Variants in DHX35 observed in about 807,000 individuals in gnomAD.
DHX35 encodes DEAH-box helicase 35, also known as probable ATP-dependent RNA helicase DHX35.
DHX35 carries 84 observed loss-of-function variants against 99.6 expected under a neutral mutation model. That is an observed-to-expected ratio of 0.84 (90% CI 0.71 to 1.01). The LOEUF (loss-of-function observed/expected upper bound fraction) is 1.01, where lower values mean the gene tolerates loss of function less well. Among genes scored for constraint, DHX35 ranks in the 50% least tolerant of loss-of-function variants. The pLI is 0.00. For missense variants in DHX35, 852 were observed against 888.5 expected, an observed-to-expected ratio of 0.96 and a Z score of 0.52; for synonymous variants, 331 against 316.2, an observed-to-expected ratio of 1.05 and a Z score of -0.50.
In DHX35 at chr20:39,033,489, C is replaced by T. The variant is rs192809917; in HGVS notation, c.1956-717C>T. Reference sequence around the variant, plus strand: ...CGGCCTCTTTGCAGGGGGGGCCCTTCTTTTTCCTTTGATCAGCTGAGATTC... The same window carrying T: ...CGGCCTCTTTGCAGGGGGGGCCCTTTTTTTTCCTTTGATCAGCTGAGATTC... On this transcript the variant is annotated intron_variant, in intron 20 of 21. Coordinates refer to ENST00000252011, the MANE Select transcript of DHX35 (RefSeq NM_021931.4). Among the ~76,000 whole-genome samples the T allele has an allele frequency of 2.5e-3, 383 of 152,154 alleles. 1 individual carries two copies. Among genetic ancestry groups the T allele is most frequent in the African/African-American group, 8.8e-3 (367 of 41,522 alleles).
At chr20:38,988,754 A>G (rs754520246) in intron 4 of DHX35, 59 bp from the exon 5 acceptor site, 49 of 1,608,516 alleles carry the variant, frequency 3.0e-5, no homozygotes, top group Middle Eastern at 1.8e-4. Flanking sequence ...TTTCCATAGT[A>G]TGTGCGCTGT....
At chr20:39,023,944 G>A (rs2086911564) in intron 17 of DHX35, among the ~76,000 whole-genome samples, 177 bp downstream of exon 17, 2 of 152,216 alleles carry the variant, frequency 1.3e-5, no homozygotes, top group Non-Finnish European at 1.5e-5. Context: ...GCCTGAGTTT[G>A]TGGTGAGGTA....
In DHX35 at chr20:39,021,930, C is replaced by T; in HGVS notation, c.1588C>T (p.His530Tyr). 6.2e-7 allele frequency: 1 copy of T among 1,614,136 alleles called. No individual in the cohort carries two copies. The highest frequency in any genetic ancestry group is 1.7e-5 in the Admixed American group (1 of 60,026). The change falls in exon 16 of 22, where the codon CAC becomes TAC. Residue 530 changes from histidine to tyrosine, a missense_variant. Physicochemically the swap from His to Tyr is moderately conservative, Grantham distance 83. Transcript: ENST00000252011. ...IFVVPPNQKSHAIRVHRKFAV... is the reference protein window; with the variant it reads ...IFVVPPNQKSYAIRVHRKFAV... Reference sequence around the variant, plus strand: ...TGTGGTCCCCCCAAACCAGAAGTCTCACGCAGTAAGTCAGCTCTGTCCCCA... The same window carrying T: ...TGTGGTCCCCCCAAACCAGAAGTCTTACGCAGTAAGTCAGCTCTGTCCCCA...
At chr20:39,003,207 C>T (rs1330015898) in intron 10 of DHX35, among the ~76,000 whole-genome samples, 1 of 152,166 alleles carries the variant, frequency 6.6e-6, no homozygotes, top group Admixed American at 6.5e-5. Flanking sequence ...CTGTGTACCT[C>T]TTTTTCCAGT....
intron 13 of DHX35, 85 bp downstream of exon 13, chr20:39,010,489 C>T: frequency 1.3e-6 from 2 of 1,545,504 alleles, no homozygotes; most frequent in Non-Finnish European, 1.8e-6. Context: ...GGCATGCCAT[C>T]TTTCCTTTTT....
intron 8 of DHX35, among the ~76,000 whole-genome samples, chr20:38,997,449 A>T (rs1432776513): frequency 3.3e-5 from 5 of 152,352 alleles, no homozygotes; most frequent in African/African-American, 1.2e-4. Context: ...GATGAAAAAA[A>T]TAGCTTCTTT....
chr20:38,965,170 G>A (rs907128611), intron 1 of DHX35, among the ~76,000 whole-genome samples: 5 of 152,212 alleles, frequency 3.3e-5, no homozygotes, highest in African/African-American at 1.2e-4. Flanking sequence ...GGTAAATTGT[G>A]TTGTCATTAG....
rs143900166 is a variant in DHX35 at position 38,997,046 on chromosome 20, TTTTATTTATTTA to T, written c.642+2194_642+2205del. On this transcript the variant is annotated intron_variant, in intron 8 of 21. Transcript: ENST00000252011. ...ATGTCCAAGTCTTTTCTTAGATTCATTTTATTTATTTATTTATTTATTTATTTATTTATTTAT... is the reference window on the plus strand; with the variant it reads ...ATGTCCAAGTCTTTTCTTAGATTCATTTTATTTATTTATTTATTTATTTAT... Among the ~76,000 whole-genome samples, 125 of 149,012 alleles carry T rather than the reference TTTTATTTATTTA, an allele frequency of 8.4e-4. 1 individual carries two copies. Among genetic ancestry groups the T allele is most frequent in the African/African-American group, 2.2e-3 (90 of 40,220 alleles).
intron 3 of DHX35, 108 bp from the exon 4 acceptor site, chr20:38,983,591 G>C: frequency 1.2e-6 from 1 of 817,136 alleles, no homozygotes; most frequent in East Asian, 2.7e-5. Flanking sequence ...GACAAGAACT[G>C]TACTTTTTCC....
intron 4 of DHX35, among the ~76,000 whole-genome samples, chr20:38,985,575 G>A (rs1890000721): frequency 6.6e-6 from 1 of 151,582 alleles, no homozygotes. Context: ...TAGAAGTTAT[G>A]TGTGTGTGTG....
At position 39,038,601 on chromosome 20, in the gene DHX35, C is replaced by T; in HGVS notation, c.*58C>T. On this transcript the variant is annotated 3_prime_UTR_variant, in exon 22 of 22. Coordinates refer to ENST00000252011, the MANE Select transcript of DHX35 (RefSeq NM_021931.4). ...TGGCGTCCTCTCCTCCATGCTGCTG[C>T]CCCTGGTCCCAGGTGGGGTGAGCTG... The T allele has an allele frequency of 1.3e-6, 2 of 1,569,064 alleles. No individual in the cohort carries two copies. Among genetic ancestry groups the T allele is most frequent in the Non-Finnish European group, 1.7e-6 (2 of 1,156,704 alleles).
rs746011157 is a variant in DHX35 at position 38,988,950 on chromosome 20, A to G, written c.450+33A>G. The G allele has an allele frequency of 6.2e-7, 1 of 1,604,298 alleles. No homozygotes were observed. The highest frequency in any genetic ancestry group is 8.5e-7 in the Non-Finnish European group (1 of 1,172,204). ...GCTCAAGCTGCTTTTCCTAGTGGAA[A>G]TAAGGAAGAAGGTTATTTTGGGAGA... On this transcript the variant is annotated intron_variant, in intron 5 of 21. Coordinates refer to ENST00000252011, the MANE Select transcript of DHX35 (RefSeq NM_021931.4).
intron 3 of DHX35, chr20:38,978,150 G>A (rs1169292184): frequency 7.1e-6 from 6 of 845,536 alleles, no homozygotes; most frequent in Admixed American, 1.7e-5. Flanking sequence ...TTATTTCAAA[G>A]CCCCTAAGGG....
At chr20:39,010,506 A>C in intron 13 of DHX35, 102 bp downstream of exon 13, 1 of 1,482,226 alleles carries the variant, frequency 6.7e-7, no homozygotes. Flanking sequence ...TTTTTTCCCT[A>C]CTCAGGTCAT....
intron 18 of DHX35, among the ~76,000 whole-genome samples, chr20:39,026,076 C>T (rs909741619): frequency 2.0e-4 from 30 of 152,224 alleles, no homozygotes; most frequent in African/African-American, 5.3e-4. Context: ...GTGACACACC[C>T]GCCTCAGCAG....
chr20:39,030,641 G>C, intron 19 of DHX35, 63 bp from the exon 20 acceptor site: 1 of 1,459,916 alleles, frequency 6.8e-7, no homozygotes, highest in Non-Finnish European at 9.6e-7. Context: ...AAAAATATCT[G>C]TGGGAAAGTC....
chr20:39,027,867 C>T (rs2086982636), intron 18 of DHX35, among the ~76,000 whole-genome samples: 1 of 152,222 alleles, frequency 6.6e-6, no homozygotes, highest in African/African-American at 2.4e-5. Flanking sequence ...ATCCTATGGA[C>T]ATCATCTAAT....
intron 15 of DHX35, among the ~76,000 whole-genome samples, chr20:39,020,644 A>G (rs1013111684): frequency 6.9e-6 from 1 of 144,332 alleles, no homozygotes; most frequent in African/African-American, 2.6e-5. Flanking sequence ...CCTTCCATTT[A>G]GAAACAGGAT....
chr20:38,979,188 T>A (rs1252620450), intron 3 of DHX35, among the ~76,000 whole-genome samples: 2 of 152,160 alleles, frequency 1.3e-5, no homozygotes, highest in Non-Finnish European at 2.9e-5. Flanking sequence ...CCATAGATGC[T>A]AGTATGTGAA....
Sources: allele counts gnomAD v4.1 joint callset (sites outside exome capture counted in the v4.1 genomes callset), GRCh38; gene constraint gnomAD v4.1.1; transcripts MANE v1.5; gene names NCBI Gene and HGNC (gene_info 2026-07-23, HGNC 2026-07-21).